Variants in NBAS observed in about 807,000 individuals in gnomAD.
NBAS encodes NAG/BC035112 fusion.
NBAS carries 219 observed loss-of-function variants against 302.5 expected under a neutral mutation model. The observed-to-expected ratio is 0.72, with a 90% CI of 0.65 to 0.81. The LOEUF (loss-of-function observed/expected upper bound fraction) is 0.81, where lower values mean the gene tolerates loss of function less well. NBAS is among the 30% of genes least tolerant of loss of function. The pLI, the probability that NBAS is intolerant of heterozygous loss-of-function variation, is 0.00. For synonymous variants in NBAS, 1,118 were observed against 1,021.6 expected (o/e 1.09, Z -1.80); for missense variants, 2,932 against 2,841.6 (o/e 1.03, Z -0.72).
At chr2:14,904,765 C>A in the NBAS span, among the ~76,000 whole-genome samples, 2 of 152,158 alleles carry the variant, frequency 1.3e-5, no homozygotes, top group South Asian at 4.1e-4. Context: ...AAAAGTAACT[C>A]TAGGCCGGGC....
chr2:14,947,158 T>C, the NBAS span, among the ~76,000 whole-genome samples: 3 of 151,384 alleles, frequency 2.0e-5, no homozygotes, highest in Non-Finnish European at 4.4e-5. Flanking sequence ...CGGAAACAAA[T>C]ACAAAGATCG....
At chr2:14,941,535 C>T in the NBAS span, among the ~76,000 whole-genome samples, 29 of 152,198 alleles carry the variant, frequency 1.9e-4, no homozygotes, top group Admixed American at 1.9e-3. Flanking sequence ...ATGCACTTTT[C>T]AGGAAGGAGG....
At chr2:15,079,764 C>T in the NBAS span, among the ~76,000 whole-genome samples, 1 of 152,188 alleles carries the variant, frequency 6.6e-6, no homozygotes, top group Non-Finnish European at 1.5e-5. Flanking sequence ...CACTCACCAT[C>T]CTGTGTTGCA....
At position 15,384,758 on chromosome 2, in the gene NBAS, A is replaced by T. The variant is rs145776313; in HGVS notation, c.3258-1441T>A. On this transcript the variant is annotated intron_variant, in intron 28 of 51. Transcript: ENST00000281513. ...TTACTTTCTAGTCTTGACATTCTAC[A>T]TAATCATGAATATCATTATTCAAGA... Among the ~76,000 whole-genome samples the T allele has an allele frequency of 5.8e-3, 887 of 152,332 alleles. 7 individuals carry two copies. The highest frequency in any genetic ancestry group is 0.022 in the South Asian group (105 of 4,830).
At chr2:15,269,344 A>T (rs1403383520) in intron 44 of NBAS, among the ~76,000 whole-genome samples, 1 of 152,140 alleles carries the variant, frequency 6.6e-6, no homozygotes, top group Non-Finnish European at 1.5e-5. Flanking sequence ...CTATTTAAAA[A>T]TTTTTATTTT....
chr2:15,453,371 T>G (rs1334409801), intron 21 of NBAS, among the ~76,000 whole-genome samples: 1 of 152,230 alleles, frequency 6.6e-6, no homozygotes, highest in African/African-American at 2.4e-5. Context: ...TTGTTCTAAA[T>G]GAAGGCAGGT....
the NBAS span, among the ~76,000 whole-genome samples, chr2:15,088,919 G>A: frequency 6.6e-6 from 1 of 152,138 alleles, no homozygotes; most frequent in African/African-American, 2.4e-5. Flanking sequence ...ATTCAGACAG[G>A]GCTGTCTAGA....
At position 15,427,728 on chromosome 2, in the gene NBAS, G is replaced by C; in HGVS notation, c.2406C>G (p.Cys802Trp). The change falls in exon 22 of 52, where the codon TGC becomes TGG. Residue 802 changes from cysteine (C) to tryptophan (W), a missense_variant. By Grantham distance (215) the Cys-to-Trp change is radical. Coordinates refer to ENST00000281513, the MANE Select transcript of NBAS (RefSeq NM_015909.4). Reference protein sequence around the residue: ...HEHKHRAKDWCEELACRMVVE... With the variant: ...HEHKHRAKDWWEELACRMVVE... ...ATACTGACCTGCAAGCCAACTCCTC[G>C]CACCAATCTTTAGCTCGGTGTTTAT... 1.2e-6 allele frequency: 2 copies of C among 1,612,732 alleles called. No individual in the cohort carries two copies. The highest frequency in any genetic ancestry group is 1.7e-6 in the Non-Finnish European group (2 of 1,179,386).
At chr2:15,239,653 A>ATATG (rs906072641) in intron 44 of NBAS, among the ~76,000 whole-genome samples, 13 of 151,738 alleles carry the variant, frequency 8.6e-5, no homozygotes, top group Non-Finnish European at 1.8e-4. Context: ...CATATAAAGT[A>ATATG]TATGTATGTA....
the NBAS span, among the ~76,000 whole-genome samples, chr2:14,805,778 C>A: frequency 6.6e-6 from 1 of 152,114 alleles, no homozygotes; most frequent in Admixed American, 6.5e-5. Flanking sequence ...TTTTCTCCTG[C>A]CTGGACTTTT....
At chr2:15,086,071 A>T in the NBAS span, among the ~76,000 whole-genome samples, 1 of 152,186 alleles carries the variant, frequency 6.6e-6, no homozygotes, top group African/African-American at 2.4e-5. Flanking sequence ...ACAGGTTTCC[A>T]GTCCCACAGA....
the NBAS span, among the ~76,000 whole-genome samples, chr2:14,900,877 A>T: frequency 6.6e-6 from 1 of 152,214 alleles, no homozygotes; most frequent in Non-Finnish European, 1.5e-5. Context: ...TGGATTAAGG[A>T]AATAAAAGGA....
At chr2:15,157,402 A>G in the NBAS span, among the ~76,000 whole-genome samples, 1 of 152,172 alleles carries the variant, frequency 6.6e-6, no homozygotes, top group Non-Finnish European at 1.5e-5. Context: ...AGAGCAGAAG[A>G]ATTCTCACAA....
the NBAS span, among the ~76,000 whole-genome samples, chr2:14,976,466 G>A: frequency 6.6e-6 from 1 of 152,146 alleles, no homozygotes; most frequent in Middle Eastern, 3.2e-3. Context: ...AAAGTAGATG[G>A]AGCTCATTGA....
chr2:15,461,988 T>C (rs1679526501), intron 19 of NBAS, among the ~76,000 whole-genome samples, 197 bp from the exon 20 acceptor site: 1 of 152,244 alleles, frequency 6.6e-6, no homozygotes, highest in African/African-American at 2.4e-5. Flanking sequence ...TATTAATAAA[T>C]GTTATTTTTT....
the NBAS span, among the ~76,000 whole-genome samples, chr2:14,974,019 T>C: frequency 6.6e-6 from 1 of 152,344 alleles, no homozygotes; most frequent in African/African-American, 2.4e-5. Context: ...TCGCCAAGAA[T>C]ATTTCTCAGA....
At chr2:14,989,812 C>T in the NBAS span, among the ~76,000 whole-genome samples, 7 of 152,032 alleles carry the variant, frequency 4.6e-5, no homozygotes, top group Non-Finnish European at 7.4e-5. Flanking sequence ...AAATGTGATG[C>T]GTATACTTAC....
intron 38 of NBAS, among the ~76,000 whole-genome samples, chr2:15,319,763 C>A (rs1671706383): frequency 6.6e-6 from 1 of 152,048 alleles, no homozygotes; most frequent in South Asian, 2.1e-4. Flanking sequence ...AACAGCCTAC[C>A]AACCAAAAAA....
intron 47 of NBAS, among the ~76,000 whole-genome samples, chr2:15,228,895 G>A (rs79661646): frequency 6.6e-6 from 1 of 152,198 alleles, no homozygotes; most frequent in African/African-American, 2.4e-5. Context: ...AAGTTTTGGT[G>A]TCTTATTTAT....
Sources: gnomAD v4.1 joint callset for allele counts (sites outside exome capture counted in the v4.1 genomes callset) on GRCh38, gnomAD v4.1.1 for gene constraint, MANE v1.5 for transcripts, NCBI Gene and HGNC (gene_info 2026-07-23, HGNC 2026-07-21) for gene names.